RUNX2: variants seen among roughly 807,000 people sequenced by gnomAD.
RUNX2 encodes runt-related transcription factor 2.
Under a neutral mutation model 51.7 loss-of-function variants are expected in RUNX2, and 10 were observed. That is an observed-to-expected ratio of 0.19 (90% confidence interval 0.12 to 0.33). RUNX2 has a LOEUF of 0.33. RUNX2 is among the 10% of genes least tolerant of loss of function. The pLI, the probability that RUNX2 is intolerant of heterozygous loss-of-function variation, is 1.00. For missense variants in RUNX2, 562 were observed against 691.3 expected (o/e 0.81, Z 2.10); for synonymous variants, 276 against 273.6 (o/e 1.01, Z -0.09).
intron 4 of RUNX2, among the ~76,000 whole-genome samples, chr6:45,437,250 T>C (rs1269404582): frequency 1.3e-5 from 2 of 152,182 alleles, no homozygotes; most frequent in Non-Finnish European, 2.9e-5. Context: ...TACTGAGAGA[T>C]GTCATGTTCA....
intron 5 of RUNX2, among the ~76,000 whole-genome samples, chr6:45,489,414 A>G (rs796854692): frequency 5.9e-5 from 9 of 152,342 alleles, no homozygotes; most frequent in African/African-American, 2.2e-4. Context: ...TCACACATGT[A>G]CAGTCTGAGC....
Position 45,422,625 on chromosome 6 carries a change from T to A in RUNX2, c.91T>A (p.Ser31Thr), listed in dbSNP as rs759530807. The change falls in exon 3 of 9, where the codon TCC becomes ACC. Residue 31 changes from serine to threonine, a missense_variant. Physicochemically the swap from Ser to Thr is moderately conservative, Grantham distance 58. Coordinates refer to ENST00000647337, the MANE Select transcript of RUNX2 (RefSeq NM_001024630.4). ...CACCAGCCGGCGCTTCAGCCCCCCCTCCAGCAGCCTGCAGCCCGGCAAAAT... is the reference window on the plus strand; with the variant it reads ...CACCAGCCGGCGCTTCAGCCCCCCCACCAGCAGCCTGCAGCCCGGCAAAAT... ...PSTSRRFSPP[S>T]SSLQPGKMSD... is the part of the protein sequence containing the mutation. 6.3e-7 allele frequency: 1 copy of A among 1,580,460 alleles called. No individual in the cohort carries two copies. Among genetic ancestry groups the A allele is most frequent in the Non-Finnish European group, 8.6e-7 (1 of 1,163,724 alleles).
intron 3 of RUNX2, among the ~76,000 whole-genome samples, chr6:45,423,210 C>T (rs1798275883): frequency 6.6e-6 from 1 of 152,166 alleles, no homozygotes; most frequent in Admixed American, 6.5e-5. Context: ...TCCCCCTGAC[C>T]CGTTCAGCAC....
intron 2 of RUNX2, among the ~76,000 whole-genome samples, chr6:45,395,730 T>C (rs1341471047): frequency 6.6e-6 from 1 of 152,186 alleles, no homozygotes; most frequent in African/African-American, 2.4e-5. Flanking sequence ...GGCACCATCT[T>C]GATCTTGGCT....
chr6:45,333,221 TTAA>T (rs1218885559), intron 2 of RUNX2, among the ~76,000 whole-genome samples: 1 of 151,688 alleles, frequency 6.6e-6, no homozygotes, highest in Admixed American at 6.6e-5. Context: ...TATTTTTTGA[TTAA>T]TGTGTTACGA....
intron 3 of RUNX2, among the ~76,000 whole-genome samples, chr6:45,427,353 G>A (rs750123248): frequency 6.6e-6 from 1 of 151,896 alleles, no homozygotes; most frequent in Non-Finnish European, 1.5e-5. Context: ...ACAAATTGCT[G>A]CTTTACATTG....
At chr6:45,477,929 A>C (rs2150397785) in intron 5 of RUNX2, among the ~76,000 whole-genome samples, 2 of 151,920 alleles carry the variant, frequency 1.3e-5, no homozygotes, top group Non-Finnish European at 2.9e-5. Flanking sequence ...TGCTCTGCCC[A>C]ACTGCCTTCC....
At chr6:45,338,511 ACTG>A (rs1789090242) in intron 2 of RUNX2, among the ~76,000 whole-genome samples, 1 of 152,146 alleles carries the variant, frequency 6.6e-6, no homozygotes, top group Non-Finnish European at 1.5e-5. Flanking sequence ...CTACAAGAGC[ACTG>A]ATTTCAGGTA....
At chr6:45,407,398 C>A (rs1797860715) in intron 2 of RUNX2, among the ~76,000 whole-genome samples, 1 of 152,126 alleles carries the variant, frequency 6.6e-6, no homozygotes, top group Non-Finnish European at 1.5e-5. Context: ...GAGACACCTT[C>A]ATCCATTAAA....
chr6:45,463,667 G>A (rs1799542649), intron 5 of RUNX2, among the ~76,000 whole-genome samples: 1 of 151,832 alleles, frequency 6.6e-6, no homozygotes, highest in South Asian at 2.1e-4. Context: ...TTTTATTTTT[G>A]TTCCCTTTTT....
At chr6:45,376,438 T>C (rs1311087914) in intron 2 of RUNX2, among the ~76,000 whole-genome samples, 1 of 152,242 alleles carries the variant, frequency 6.6e-6, no homozygotes, top group Admixed American at 6.5e-5. Context: ...AATTTATTAA[T>C]TTATGAATAA....
Position 45,492,038 on chromosome 6 carries a change from C to T in RUNX2, c.783C>T (p.Val261=), listed in dbSNP as rs1381479852. 1 of 1,613,912 alleles carries T rather than the reference C, an allele frequency of 6.2e-7. No homozygotes were observed. Among genetic ancestry groups the T allele is most frequent in the Admixed American group, 1.7e-5 (1 of 59,972 alleles). Residue 261 remains valine (V), a synonymous_variant, in exon 6 of 9, where the codon GTC becomes GTT. Coordinates refer to ENST00000647337, the MANE Select transcript of RUNX2 (RefSeq NM_001024630.4). The stretch of plus-strand genomic sequence containing the variant: ...CTCATCCCAGTATGAGAGTAGGTGT[C>T]CCGCCTCAGAACCCACGGCCCTCCC... ...RIPHPSMRVG[V]PPQNPRPSLN...
chr6:45,531,209 C>T (rs1801830029), intron 7 of RUNX2, among the ~76,000 whole-genome samples: 1 of 152,178 alleles, frequency 6.6e-6, no homozygotes, highest in South Asian at 2.1e-4. Context: ...GACTTTGCTA[C>T]AAAGGCCTGT....
At chr6:45,509,331 G>A (rs1801073094) in intron 6 of RUNX2, among the ~76,000 whole-genome samples, 1 of 152,116 alleles carries the variant, frequency 6.6e-6, no homozygotes, top group African/African-American at 2.4e-5. Flanking sequence ...TATATAGATA[G>A]CTCTTGTATT....
chr6:45,328,960 G>C (rs1786911687), intron 2 of RUNX2, among the ~76,000 whole-genome samples, 176 bp downstream of exon 2: 1 of 151,880 alleles, frequency 6.6e-6, no homozygotes, highest in Non-Finnish European at 1.5e-5. Flanking sequence ...TTTGGTATCT[G>C]TAATGTATCT....
rs1032250771 is a variant in RUNX2 at position 45,550,453 on chromosome 6, T to A, written c.*3148T>A. ...GAGATGTGTGTACAGCTTTAAGGAT[T>A]CCCTCAATTCCGAGGAAAGGGACTG... is the stretch of plus-strand genomic sequence containing the variant. On this transcript the variant is annotated 3_prime_UTR_variant, in exon 9 of 9. Coordinates refer to ENST00000647337, the MANE Select transcript of RUNX2 (RefSeq NM_001024630.4). 2 of 152,290 alleles carry A rather than the reference T, an allele frequency of 1.3e-5. No homozygotes were observed. Among genetic ancestry groups the A allele is most frequent in the Non-Finnish European group, 2.9e-5 (2 of 68,046 alleles). The allele number at this position is 152,290 out of a possible 1,614,324, so 9.4% of individuals were successfully genotyped here.
chr6:45,526,498 A>C (rs1425417597), intron 7 of RUNX2, among the ~76,000 whole-genome samples: 1 of 152,238 alleles, frequency 6.6e-6, no homozygotes, highest in Non-Finnish European at 1.5e-5. Context: ...GGCTTTCTAT[A>C]TTAAAGAAAT....
At chr6:45,363,754 G>A (rs907037636) in intron 2 of RUNX2, among the ~76,000 whole-genome samples, 10 of 151,976 alleles carry the variant, frequency 6.6e-5, no homozygotes, top group East Asian at 3.9e-4. Flanking sequence ...CTCACTTCAC[G>A]CAGTTGCTAA....
chr6:45,480,173 A>G (rs1455033225), intron 5 of RUNX2, among the ~76,000 whole-genome samples: 1 of 152,248 alleles, frequency 6.6e-6, no homozygotes, highest in Non-Finnish European at 1.5e-5. Flanking sequence ...AGCATTAAGA[A>G]AGAGTGGATG....
Sources: allele counts gnomAD v4.1 joint callset (sites outside exome capture counted in the v4.1 genomes callset), GRCh38; gene constraint gnomAD v4.1.1; transcripts MANE v1.5; gene names NCBI Gene and HGNC (gene_info 2026-07-23, HGNC 2026-07-21).